The following COX10 variants were observed in gnomAD, a reference collection of about 807,000 sequenced individuals.
The protein encoded by COX10 is cytochrome c oxidase assembly factor heme A:farnesyltransferase COX10.
A neutral mutation model predicts 37.3 loss-of-function variants in COX10; 27 were observed. The observed-to-expected ratio is 0.72, with a 90% CI of 0.53 to 1.00. The LOEUF is 1.00. Ranked by LOEUF, COX10 falls within the 50% of genes least tolerant of loss-of-function variation. The pLI, the probability that COX10 is intolerant of heterozygous loss-of-function variation, is 0.00. For missense variants in COX10, 475 were observed against 563.2 expected (o/e 0.84, Z 1.59); for synonymous variants, 222 against 229.1 (o/e 0.97, Z 0.28).
Position 14,074,449 on chromosome 17 carries a change from A to C in COX10, c.170A>C (p.Lys57Thr). The change falls in exon 2 of 7, where the codon AAA (lysine) becomes ACA (threonine). Residue 57 changes from lysine to threonine, a missense_variant. By Grantham distance (78) the Lys-to-Thr change is moderately conservative (BLOSUM62 -1). Coordinates refer to ENST00000261643, the MANE Select transcript of COX10 (RefSeq NM_001303.4). ...WITFQHFSFL[K>T]RMYVTQLNRS... Reference sequence around the variant, plus strand: ...ACATTTCAGCACTTTAGCTTCCTCAAACGCATGGTATGTTTAGAAGACCAT... The same window carrying C: ...ACATTTCAGCACTTTAGCTTCCTCACACGCATGGTATGTTTAGAAGACCAT... 1.2e-6 allele frequency: 2 copies of C among 1,613,232 alleles called. No homozygotes were observed. The highest frequency in any genetic ancestry group is 1.7e-6 in the Non-Finnish European group (2 of 1,179,646).
chr17:14,161,247 C>A (rs532127641), intron 5 of COX10, among the ~76,000 whole-genome samples: 89 of 152,232 alleles, frequency 5.8e-4, no homozygotes, highest in African/African-American at 2.1e-3. Flanking sequence ...GGGTTTGGAT[C>A]ATAATCCCAA....
intron 5 of COX10, among the ~76,000 whole-genome samples, chr17:14,191,466 T>C (rs1489990349): frequency 6.6e-6 from 1 of 152,116 alleles, no homozygotes; most frequent in Non-Finnish European, 1.5e-5. Flanking sequence ...TCATGATCAC[T>C]AATTAAGTGA....
At chr17:14,070,143 G>A (rs1375981016) in intron 1 of COX10, among the ~76,000 whole-genome samples, 1 of 152,076 alleles carries the variant, frequency 6.6e-6, no homozygotes, top group Non-Finnish European at 1.5e-5. Context: ...TCTCTGTACC[G>A]CCAGAGTGGT....
chr17:14,082,218 G>A (rs550873439), intron 3 of COX10, among the ~76,000 whole-genome samples: 21 of 152,260 alleles, frequency 1.4e-4, no homozygotes, highest in Non-Finnish European at 2.4e-4. Context: ...GAAATAAATG[G>A]TCAGAGGGAG....
At chr17:14,122,362 C>G (rs1302012025) in intron 4 of COX10, among the ~76,000 whole-genome samples, 1 of 152,088 alleles carries the variant, frequency 6.6e-6, no homozygotes, top group Admixed American at 6.6e-5. Context: ...TGTGCTCTGG[C>G]AATCCCCGTC....
At chr17:14,096,529 T>C (rs767649470) in intron 3 of COX10, among the ~76,000 whole-genome samples, 2 of 151,908 alleles carry the variant, frequency 1.3e-5, no homozygotes, top group Non-Finnish European at 2.9e-5. Flanking sequence ...CACATGCCAC[T>C]GAGCTGGGCT....
chr17:14,169,753 T>C (rs1905402247), intron 5 of COX10, among the ~76,000 whole-genome samples: 1 of 152,232 alleles, frequency 6.6e-6, no homozygotes, highest in Non-Finnish European at 1.5e-5. Flanking sequence ...ATTAGGGACT[T>C]ACATTGAAGG....
At chr17:14,154,027 A>G (rs150430621) in intron 4 of COX10, among the ~76,000 whole-genome samples, 96 of 152,324 alleles carry the variant, frequency 6.3e-4, no homozygotes, top group African/African-American at 2.2e-3. Context: ...AATTCAGACA[A>G]AAAGAGTCCA....
chr17:14,093,059 G>A (rs1915562933), intron 3 of COX10, among the ~76,000 whole-genome samples: 1 of 152,062 alleles, frequency 6.6e-6, no homozygotes, highest in Non-Finnish European at 1.5e-5. Context: ...CAAGTTTATG[G>A]GACTTGGATT....
chr17:14,152,450 C>G (rs115706316), intron 4 of COX10, among the ~76,000 whole-genome samples: 1 of 152,160 alleles, frequency 6.6e-6, no homozygotes, highest in African/African-American at 2.4e-5. Context: ...TCTCTCCCAC[C>G]AGGTCCCTCC....
intron 2 of COX10, among the ~76,000 whole-genome samples, 155 bp from the exon 3 acceptor site, chr17:14,076,580 G>T (rs555327224): frequency 7.9e-5 from 12 of 152,148 alleles, no homozygotes; most frequent in African/African-American, 2.9e-4. Flanking sequence ...TTTCCATATA[G>T]CACTCTATAA....
chr17:14,152,914 C>G (rs982671033), intron 4 of COX10, among the ~76,000 whole-genome samples: 1 of 152,184 alleles, frequency 6.6e-6, no homozygotes, highest in African/African-American at 2.4e-5. Context: ...CAGCACTGCT[C>G]CAGGCCAACA....
chr17:14,177,137 A>G, intron 5 of COX10: 1 of 600,984 alleles, frequency 1.7e-6, no homozygotes. Flanking sequence ...TCCTGCCAGC[A>G]GTCGCCAGGT....
At chr17:14,187,417 T>C (rs1394754640) in intron 5 of COX10, among the ~76,000 whole-genome samples, 1 of 152,194 alleles carries the variant, frequency 6.6e-6, no homozygotes, top group Non-Finnish European at 1.5e-5. Flanking sequence ...ATTAATGATG[T>C]TGATGCAAAA....
At position 14,199,198 on chromosome 17, in the gene COX10, A is replaced by G. The variant is rs796212823; in HGVS notation, c.928+6977A>G. On this transcript the variant is annotated intron_variant, in intron 6 of 6. Coordinates refer to ENST00000261643, the MANE Select transcript of COX10 (RefSeq NM_001303.4). ...TCTTGTCAGTTGTGCTGTGTTGACCATAATTGATCACAAGCTTTTAGGGAG... is the reference window on the plus strand; with the variant it reads ...TCTTGTCAGTTGTGCTGTGTTGACCGTAATTGATCACAAGCTTTTAGGGAG... Among the ~76,000 whole-genome samples, 9 of 152,300 alleles carry G rather than the reference A, an allele frequency of 5.9e-5. 2 individuals carry two copies. The highest frequency in any genetic ancestry group is 1.7e-4 in the African/African-American group (7 of 41,566).
At position 14,123,180 on chromosome 17, in the gene COX10, C is replaced by T. The variant is rs552724993; in HGVS notation, c.624+20938C>T. On this transcript the variant is annotated intron_variant, in intron 4 of 6. Coordinates refer to ENST00000261643, the MANE Select transcript of COX10 (RefSeq NM_001303.4). ...TAAAGAGTAGGAAACTGAGGCCCAGCGTTAAAATGCCTTACCTCAGTACCA... is the reference window on the plus strand; with the variant it reads ...TAAAGAGTAGGAAACTGAGGCCCAGTGTTAAAATGCCTTACCTCAGTACCA... Among the ~76,000 whole-genome samples the T allele has an allele frequency of 1.2e-4, 18 of 152,252 alleles. No homozygotes were observed. In the East Asian group the frequency reaches 2.9e-3, roughly 24 times the overall value.
At position 14,102,235 on chromosome 17, in the gene COX10, T is replaced by C; in HGVS notation, c.617T>C (p.Ile206Thr). 1 of 1,613,656 alleles carries C rather than the reference T, an allele frequency of 6.2e-7. No homozygotes were observed. ...CTTGCATCCTGTGCTGCCAACTCCA[T>C]CAATCAGGTCAGTTTCTCACTTTCA... ...TGLASCAANS[I>T]NQFFEVPFDS... Residue 206 changes from isoleucine (I) to threonine (T), a missense_variant, in exon 4 of 7, where the codon ATC becomes ACC. This residue lies in a region of COX10 where 242 missense variants were observed against 242.5 expected (regional missense o/e 1.00). Transcript: ENST00000261643.
chr17:14,129,519 A>G (rs965935035), intron 4 of COX10, among the ~76,000 whole-genome samples: 2 of 152,186 alleles, frequency 1.3e-5, no homozygotes, highest in African/African-American at 4.8e-5. Flanking sequence ...AATCTTTACC[A>G]GGATCTGATT....
chr17:14,089,755 A>G (rs1915483009), intron 3 of COX10, among the ~76,000 whole-genome samples: 1 of 152,188 alleles, frequency 6.6e-6, no homozygotes, highest in African/African-American at 2.4e-5. Flanking sequence ...GATGCTTGTT[A>G]TAATGCAAAT....
Sources: gnomAD v4.1 joint callset for allele counts (sites outside exome capture counted in the v4.1 genomes callset) on GRCh38, gnomAD v4.1.1 for gene constraint, gnomAD v4.1.1 regional missense constraint, MANE v1.5 for transcripts, NCBI Gene and HGNC (gene_info 2026-07-23, HGNC 2026-07-21) for gene names.